The following POLR3C variants were observed in gnomAD, a reference collection of about 807,000 sequenced individuals.
The protein encoded by POLR3C is DNA-directed RNA polymerase III subunit RPC3.
Under a neutral mutation model 65.9 loss-of-function variants are expected in POLR3C, and 44 were observed. That is an observed-to-expected ratio of 0.67 (90% confidence interval 0.52 to 0.86). The LOEUF (loss-of-function observed/expected upper bound fraction) is 0.86. Among genes scored for constraint, POLR3C ranks in the 40% least tolerant of loss-of-function variants. POLR3C has a pLI of 0.00. For synonymous variants in POLR3C, 263 were observed against 231.6 expected, an observed-to-expected ratio of 1.14 and a Z score of -1.23; for missense variants, 576 against 653.2, an observed-to-expected ratio of 0.88 and a Z score of 1.29.
chr1:145,840,042 C>G, intron 12 of POLR3C, 51 bp downstream of exon 12: 1 of 1,484,398 alleles, frequency 6.7e-7, no homozygotes, highest in South Asian at 1.1e-5. Flanking sequence ...TCAAGTACCC[C>G]TCATGTGCCC....
chr1:145,826,046 C>A (rs1351121663), intron 2 of POLR3C, 123 bp downstream of exon 2: 2 of 762,302 alleles, frequency 2.6e-6, no homozygotes, highest in African/African-American at 1.7e-5. Flanking sequence ...TGGAGCAGAA[C>A]AATGTTATTT....
rs587644193 is a variant in POLR3C at position 145,841,387 on chromosome 1, A to T, written c.1523+316A>T. On this transcript the variant is annotated intron_variant, in intron 14 of 14. Coordinates refer to ENST00000334163, the MANE Select transcript of POLR3C (RefSeq NM_006468.8). ...ACAGTCTTCCTGCCTCAGCCTCCCA[A>T]GTAGCTGGGACTACAGGCAAGTGCC... Among the ~76,000 whole-genome samples the T allele has an allele frequency of 2.0e-5, 3 of 152,308 alleles. No individual in the cohort carries two copies. The South Asian group carries it at 6.2e-4, about 32-fold the overall frequency.
In POLR3C at chr1:145,835,144, C is replaced by CAA. The variant is rs56819606; in HGVS notation, c.877-1329_877-1328dup. Among the ~76,000 whole-genome samples, 360 of 47,238 alleles carry CAA rather than the reference C, an allele frequency of 7.6e-3. 3 individuals are homozygous for CAA. Among genetic ancestry groups the CAA allele is most frequent in the Middle Eastern group, 0.031 (2 of 64 alleles). 31.0% of individuals were successfully genotyped at this position (47,238 alleles called of 152,430 possible). On this transcript the variant is annotated intron_variant, in intron 7 of 14. Coordinates refer to ENST00000334163, the MANE Select transcript of POLR3C (RefSeq NM_006468.8). ...TAAACAACAGAGCAAAACCCTATTT[C>CAA]AAAAAAAAAAAAAAAAAAAAAAGGC...
chr1:145,836,416 G>A lies in POLR3C; in HGVS notation c.877-78G>A, dbSNP rs776880005. The A allele has an allele frequency of 1.2e-4, 100 of 844,522 alleles. 2 individuals carry two copies. Among genetic ancestry groups the A allele is most frequent in the South Asian group, 8.0e-5 (6 of 74,716 alleles). The allele number at this position is 844,522 out of a possible 1,614,324, so 52.3% of individuals were successfully genotyped here. ...ATTACAGGCCTTAGCCACTGTGCCC[G>A]GCCTAAAACATCTTTATTTCAGTAA... On this transcript the variant is annotated intron_variant, in intron 7 of 14. Coordinates refer to ENST00000334163, the MANE Select transcript of POLR3C (RefSeq NM_006468.8).
rs1553730379 is a variant in POLR3C, at chr1:145,840,981, G to T, written c.1433G>T (p.Gly478Val). The T allele has an allele frequency of 3.7e-6, 6 of 1,612,790 alleles. No homozygotes were observed. The South Asian group carries it at 6.6e-5, about 18-fold the overall frequency. Residue 478 changes from glycine to valine, a missense_variant, in exon 14 of 15, where the codon GGT becomes GTT. By Grantham distance (109) the Gly-to-Val change is moderately radical (BLOSUM62 -3). Transcript: ENST00000334163. Reference protein sequence around the residue: ...EAIIASMQATGAEEAQLQEIE... With the variant: ...EAIIASMQATVAEEAQLQEIE... ...ATCATTGCATCTATGCAGGCTACTG[G>T]TGCAGAGGAAGCACAGTTACAAGAA...
At chr1:145,833,230 G>C (rs750826562) in intron 5 of POLR3C, 30 bp from the exon 6 acceptor site, 13 of 1,366,944 alleles carry the variant, frequency 9.5e-6, no homozygotes, top group Admixed American at 7.2e-5. Flanking sequence ...TTACACTATA[G>C]CTAAATGTTT....
At chr1:145,834,415 C>T (rs1319770021) in intron 7 of POLR3C, among the ~76,000 whole-genome samples, 2 of 151,866 alleles carry the variant, frequency 1.3e-5, no homozygotes, top group African/African-American at 4.8e-5. Context: ...GCCTGTAATC[C>T]TAGCACTTTG....
In POLR3C at chr1:145,842,645, C is replaced by T. The variant is rs900008239; in HGVS notation, c.*225C>T. The T allele has an allele frequency of 1.0e-5, 6 of 584,766 alleles. No individual in the cohort carries two copies. The highest frequency in any genetic ancestry group is 3.0e-5 in the Admixed American group (1 of 32,788). The allele number at this position is 584,766 out of a possible 1,614,324, so 36.2% of individuals were successfully genotyped here. A position where few individuals can be genotyped will look rare whatever the true frequency, so the allele number is the denominator to read the frequency against. On this transcript the variant is annotated 3_prime_UTR_variant, in exon 15 of 15. Coordinates refer to ENST00000334163, the MANE Select transcript of POLR3C (RefSeq NM_006468.8). The stretch of plus-strand genomic sequence containing the variant: ...GGCAGTGGGAAGAACCTTAAATCAA[C>T]AAGGTTAATCATCTATCAGATGCAT...
Position 145,826,565 on chromosome 1 carries a change from A to G in POLR3C, c.259A>G (p.Arg87Gly), listed in dbSNP as rs782804163. The G allele has an allele frequency of 8.7e-6, 14 of 1,614,152 alleles. No individual in the cohort carries two copies. The South Asian group carries it at 1.3e-4, about 15-fold the overall frequency. The change falls in exon 3 of 15, where the codon AGA becomes GGA. Residue 87 changes from arginine (R) to glycine (G), a missense_variant. By Grantham distance (125) the Arg-to-Gly change is moderately radical (BLOSUM62 -2). Transcript: ENST00000334163. ...AQCSRVLRML[R>G]YPRYIYTTKT... ...GTGCAGCCGGGTATTGCGAATGCTT[A>G]GATATCCCCGGTACATCTATACTAC...
chr1:145,831,796 C>T (rs1343902599), intron 5 of POLR3C, among the ~76,000 whole-genome samples: 3 of 152,140 alleles, frequency 2.0e-5, no homozygotes, highest in African/African-American at 4.8e-5. Context: ...AATCCTAACA[C>T]TTTGGAAGGC....
intron 7 of POLR3C, among the ~76,000 whole-genome samples, chr1:145,835,302 A>G: frequency 6.6e-6 from 1 of 151,136 alleles, no homozygotes; most frequent in East Asian, 2.0e-4. Flanking sequence ...GAAATTAGCC[A>G]GGCATGGTGA....
In POLR3C at chr1:145,836,051, T is replaced by C. The variant is rs181584063; in HGVS notation, c.877-443T>C. On this transcript the variant is annotated intron_variant, in intron 7 of 14. Coordinates refer to ENST00000334163, the MANE Select transcript of POLR3C (RefSeq NM_006468.8). ...GTACTGGTCATTTGGGTGTTTCTAG[T>C]TTTTTACTCTTACAAACAATCCTGC... Among the ~76,000 whole-genome samples the C allele has an allele frequency of 5.6e-4, 86 of 152,318 alleles. 1 individual carries two copies. In the South Asian group the frequency reaches 8.5e-3, roughly 15 times the overall value.
At chr1:145,837,174 G>A (rs1432048189) in intron 9 of POLR3C, among the ~76,000 whole-genome samples, 1 of 152,046 alleles carries the variant, frequency 6.6e-6, no homozygotes, top group Non-Finnish European at 1.5e-5. Flanking sequence ...CAGCTGTAAC[G>A]ATGCATGCTT....
At chr1:145,831,440 G>C (rs1054371057) in intron 5 of POLR3C, among the ~76,000 whole-genome samples, 2 of 151,622 alleles carry the variant, frequency 1.3e-5, no homozygotes, top group African/African-American at 2.4e-5. Context: ...GCTTGAACCT[G>C]GGGGGCAGAG....
chr1:145,835,637 C>T (rs1369256469), intron 7 of POLR3C, among the ~76,000 whole-genome samples: 2 of 151,654 alleles, frequency 1.3e-5, no homozygotes, highest in African/African-American at 4.8e-5. Flanking sequence ...TGCAGTAGCG[C>T]AATCTCAGCT....
At chr1:145,827,775 A>AAAAAT (rs1650904152) in intron 4 of POLR3C, among the ~76,000 whole-genome samples, 1 of 149,636 alleles carries the variant, frequency 6.7e-6, no homozygotes, top group Non-Finnish European at 1.5e-5. Flanking sequence ...AAAAAAAAAA[A>AAAAAT]AAAATAGCCA....
intron 12 of POLR3C, 35 bp downstream of exon 12, chr1:145,840,026 A>G (rs1553730019): frequency 4.6e-6 from 7 of 1,518,114 alleles, no homozygotes; most frequent in East Asian, 2.3e-5. Context: ...CATTTCCTCC[A>G]TACGGTCAAG....
intron 1 of POLR3C, among the ~76,000 whole-genome samples, chr1:145,825,147 C>T (rs1460701631): frequency 6.6e-6 from 1 of 151,558 alleles, no homozygotes; most frequent in Non-Finnish European, 1.5e-5. Context: ...CTCGCACTGT[C>T]GCCCGGGTTG....
In POLR3C at chr1:145,841,198, G is replaced by T. The variant is rs1015914475; in HGVS notation, c.1523+127G>T. 20 of 746,300 alleles carry T rather than the reference G, an allele frequency of 2.7e-5. No homozygotes were observed. The African/African-American group carries it at 3.3e-4, about 12-fold the overall frequency. 46.2% of individuals were successfully genotyped at this position (746,300 alleles called of 1,614,324 possible). On this transcript the variant is annotated intron_variant, in intron 14 of 14. Coordinates refer to ENST00000334163, the MANE Select transcript of POLR3C (RefSeq NM_006468.8). Reference sequence around the variant, plus strand: ...ACTGTCTCCTCCAGCTCACTTAACAGAATTTAATCCACCTATTTTTGTAAA... The same window carrying T: ...ACTGTCTCCTCCAGCTCACTTAACATAATTTAATCCACCTATTTTTGTAAA...
Sources: gnomAD v4.1 joint callset for allele counts (sites outside exome capture counted in the v4.1 genomes callset) on GRCh38, gnomAD v4.1.1 for gene constraint, MANE v1.5 for transcripts, NCBI Gene and HGNC (gene_info 2026-07-23, HGNC 2026-07-21) for gene names.